Variants in BLM observed in about 807,000 individuals in gnomAD.
BLM encodes recQ-like DNA helicase BLM.
Under a neutral mutation model 135.3 loss-of-function variants are expected in BLM, and 95 were observed. The observed-to-expected ratio is 0.70, with a 90% CI of 0.59 to 0.83. The LOEUF (loss-of-function observed/expected upper bound fraction) is 0.83. BLM is among the 40% of genes least tolerant of loss of function. The probability of loss-of-function intolerance (pLI) is 0.00; values close to 1 mark genes in which losing one functional copy is unlikely to be tolerated. For synonymous variants in BLM, 520 were observed against 589.2 expected, an observed-to-expected ratio of 0.88 and a Z score of 1.70; for missense variants, 1,518 against 1,663.9, an observed-to-expected ratio of 0.91 and a Z score of 1.53.
chr15:90,777,808 C>T (rs1030336378), intron 12 of BLM, among the ~76,000 whole-genome samples: 9 of 152,178 alleles, frequency 5.9e-5, no homozygotes, highest in Admixed American at 1.3e-4. Flanking sequence ...TTTATCACCC[C>T]AGCGAGAAAC....
At chr15:90,763,539 A>T (rs764674003) in intron 8 of BLM, among the ~76,000 whole-genome samples, 20 of 152,208 alleles carry the variant, frequency 1.3e-4, no homozygotes, top group Non-Finnish European at 2.2e-4. Context: ...TCATATATGC[A>T]TATATGCATA....
chr15:90,804,507 G>A (rs892861787), intron 19 of BLM, 148 bp downstream of exon 19: 20 of 864,628 alleles, frequency 2.3e-5, no homozygotes, highest in Middle Eastern at 5.8e-4. Flanking sequence ...TGTGTCACCC[G>A]GGCTGGAGTG....
At chr15:90,771,903 C>T (rs1310925269) in intron 12 of BLM, among the ~76,000 whole-genome samples, 1 of 152,038 alleles carries the variant, frequency 6.6e-6, no homozygotes, top group Non-Finnish European at 1.5e-5. Flanking sequence ...AGGCAGGCAC[C>T]TTGAATCTGT....
intron 1 of BLM, among the ~76,000 whole-genome samples, chr15:90,739,560 A>G (rs1027452964): frequency 2.6e-5 from 4 of 152,196 alleles, no homozygotes; most frequent in African/African-American, 9.7e-5. Context: ...GTCTCACAAC[A>G]TAGATAAAGC....
intron 9 of BLM, among the ~76,000 whole-genome samples, chr15:90,765,760 A>G (rs28385031): frequency 0.069 from 10,563 of 152,236 alleles, 431 homozygotes; most frequent in Non-Finnish European, 0.077. Context: ...GCCTGCACAC[A>G]TATATCTTTT....
rs1301492880 is a variant in BLM, at chr15:90,782,906, A to G, written c.2640A>G (p.Glu880=). 4 of 1,612,872 alleles carry G rather than the reference A, an allele frequency of 2.5e-6. No individual in the cohort carries two copies. The highest frequency in any genetic ancestry group is 3.4e-6 in the Non-Finnish European group (4 of 1,178,852). ...AAAAGGTGGCATTTGATTGCCTAGA[A>G]TGGATCAGAAAGCACCACCCATGTG... ...KPKKVAFDCL[E]WIRKHHPYDS... The change falls in exon 13 of 22, where the codon GAA becomes GAG. Residue 880 remains glutamate (E), a synonymous_variant. Transcript: ENST00000355112.
At chr15:90,795,162 C>T (rs1158731715) in intron 16 of BLM, among the ~76,000 whole-genome samples, 1 of 152,090 alleles carries the variant, frequency 6.6e-6, no homozygotes, top group Non-Finnish European at 1.5e-5. Context: ...GGAGTGGAGA[C>T]CGACATACAT....
intron 1 of BLM, among the ~76,000 whole-genome samples, chr15:90,727,597 A>G (rs1796700171): frequency 2.0e-5 from 3 of 152,146 alleles, no homozygotes; most frequent in African/African-American, 7.2e-5. Flanking sequence ...CCAGCCCTCA[A>G]TAAAACCCCT....
intron 1 of BLM, among the ~76,000 whole-genome samples, chr15:90,745,182 T>C (rs987364948): frequency 1.4e-4 from 21 of 152,142 alleles, no homozygotes; most frequent in Admixed American, 3.9e-4. Flanking sequence ...GGTTAAGTCA[T>C]AAGGACTGAA....
In BLM at chr15:90,815,835, T is replaced by G. The variant is rs428387; in HGVS notation, c.*556T>G. On this transcript the variant is annotated 3_prime_UTR_variant, in exon 22 of 22. Transcript: ENST00000355112. This position sits in a 1 kb window ranked among gnomAD's most constrained non-coding sequence, Gnocchi z 4.6. ...TGGCTCACGCCTGGGATCCCAGCAC[T>G]TTGGGAGGCCGAGGCAGGTGGATCA... The G allele has an allele frequency of 4.9e-3, 762 of 154,626 alleles. 3 individuals are homozygous for G. Among genetic ancestry groups the G allele is most frequent in the Non-Finnish European group, 8.0e-3 (561 of 69,866 alleles). 9.6% of individuals were successfully genotyped at this position (154,626 alleles called of 1,614,324 possible). A position where few individuals can be genotyped will look rare whatever the true frequency, so the allele number is the denominator to read the frequency against.
rs2151184585 is a variant in BLM, at chr15:90,790,740, GT to G, written c.2917del (p.Tyr973ThrfsTer26). The G allele has an allele frequency of 1.2e-6, 2 of 1,614,108 alleles. No homozygotes were observed. The highest frequency in any genetic ancestry group is 1.7e-6 in the Non-Finnish European group (2 of 1,179,980). On this transcript the variant is annotated frameshift_variant, in exon 15 of 22. Transcript: ENST00000355112. LOFTEE classifies it high-confidence loss of function. The stretch of plus-strand genomic sequence containing the variant: ...GCATCTCTCCCTAAATCTGTGGAGG[GT>G]TACTACCAAGAATCTGGCAGAGCTG... ...IHASLPKSVE[G>X]YYQESGRAGR...
intron 7 of BLM, among the ~76,000 whole-genome samples, 193 bp downstream of exon 7, chr15:90,761,448 T>C (rs76062514): frequency 9.7e-4 from 148 of 152,334 alleles, no homozygotes; most frequent in African/African-American, 3.0e-3. Flanking sequence ...GCTGTAGTTT[T>C]ATAAAATGTG....
intron 13 of BLM, among the ~76,000 whole-genome samples, chr15:90,783,160 C>T (rs868606875): frequency 1.6e-4 from 25 of 152,316 alleles, no homozygotes; most frequent in Non-Finnish European, 2.8e-4. Context: ...CTCCTACACA[C>T]GTATATTATA....
chr15:90,769,620 T>TG (rs1567045630), intron 12 of BLM, 34 bp downstream of exon 12: 1 of 1,606,662 alleles, frequency 6.2e-7, no homozygotes, highest in East Asian at 2.2e-5. Flanking sequence ...TTGAGAACCC[T>TG]GGGGCAGTGA....
rs550031621 is a variant in BLM, at chr15:90,787,530, T to TG, written c.2823+2452dup. Reference sequence around the variant, plus strand: ...AAATATCTCTCAAAATTGTTTTCTCTGGGAAAACAGAAAATTTTAGAGGAT... The same window carrying TG: ...AAATATCTCTCAAAATTGTTTTCTCTGGGGAAAACAGAAAATTTTAGAGGAT... On this transcript the variant is annotated intron_variant, in intron 14 of 21. Coordinates refer to ENST00000355112, the MANE Select transcript of BLM (RefSeq NM_000057.4). Among the ~76,000 whole-genome samples, 319 of 152,332 alleles carry TG rather than the reference T, an allele frequency of 2.1e-3. 1 individual carries two copies. Among genetic ancestry groups the TG allele is most frequent in the African/African-American group, 7.4e-3 (308 of 41,560 alleles).
chr15:90,779,559 A>G (rs781291486), intron 12 of BLM, among the ~76,000 whole-genome samples: 3 of 152,186 alleles, frequency 2.0e-5, no homozygotes, highest in Non-Finnish European at 2.9e-5. Context: ...ACAATCTGCT[A>G]CACATTCTGC....
chr15:90,763,194 T>C (rs1476742066), intron 8 of BLM, 37 bp downstream of exon 8: 1 of 1,599,312 alleles, frequency 6.3e-7, no homozygotes. Flanking sequence ...AGGAATCCAT[T>C]GGCAGATGTT....
At chr15:90,793,239 G>A (rs1332819790) in intron 15 of BLM, among the ~76,000 whole-genome samples, 1 of 144,944 alleles carries the variant, frequency 6.9e-6, no homozygotes, top group African/African-American at 2.6e-5. Flanking sequence ...GGGTTCAAGC[G>A]ATTCTCAGCC....
chr15:90,738,983 T>C (rs950889502), intron 1 of BLM, among the ~76,000 whole-genome samples: 1 of 152,230 alleles, frequency 6.6e-6, no homozygotes, highest in Admixed American at 6.5e-5. Flanking sequence ...AAGATATTTG[T>C]ACACCCATGT....
Sources: allele counts gnomAD v4.1 joint callset (sites outside exome capture counted in the v4.1 genomes callset), GRCh38; gene constraint gnomAD v4.1.1; non-coding constraint Gnocchi (gnomAD v3.1); transcripts MANE v1.5; gene names NCBI Gene and HGNC (gene_info 2026-07-23, HGNC 2026-07-21).